The following UGT1A5 variants were observed in gnomAD, a reference collection of about 807,000 sequenced individuals.
UGT1A5 encodes the protein UDP glucuronosyltransferase family 1 member A5.
UGT1A5 carries 29 observed loss-of-function variants against 40.3 expected under a neutral mutation model. The observed-to-expected ratio is 0.72, with a 90% CI of 0.54 to 0.98. UGT1A5 has a LOEUF of 0.98. Among genes scored for constraint, UGT1A5 ranks in the 50% least tolerant of loss-of-function variants. UGT1A5 has a pLI of 0.00. For missense variants in UGT1A5, 678 were observed against 677.9 expected (o/e 1.00, Z 0.00); for synonymous variants, 257 against 262.5 (o/e 0.98, Z 0.20).
intron 1 of UGT1A5, chr2:233,754,615 C>T (rs1360410521): frequency 2.3e-6 from 1 of 438,040 alleles, no homozygotes; most frequent in Non-Finnish European, 4.6e-6. Context: ...TCTCCATCTT[C>T]CTCCACTTCC....
At chr2:233,719,166 A>G (rs569258363) in intron 1 of UGT1A5, 1 of 1,614,266 alleles carries the variant, frequency 6.2e-7, no homozygotes, top group East Asian at 2.2e-5. Flanking sequence ...AAGTATGGCA[A>G]TTATGAACAA....
chr2:233,760,809 A>G (rs1407366507), intron 1 of UGT1A5: 1 of 1,613,186 alleles, frequency 6.2e-7, no homozygotes, highest in South Asian at 1.1e-5. Flanking sequence ...TCTTGCATGC[A>G]CTGCCATGCA....
chr2:233,719,576 A>G, intron 1 of UGT1A5: 1 of 1,613,934 alleles, frequency 6.2e-7, no homozygotes, highest in East Asian at 2.2e-5. Context: ...TCAGCTATGC[A>G]TCCGTGTGGC....
Position 233,769,467 on chromosome 2 carries a change from G to T in UGT1A5, c.1307+1028G>T. The T allele has an allele frequency of 6.2e-7, 1 of 1,602,902 alleles. No homozygotes were observed. On this transcript the variant is annotated intron_variant, in intron 4 of 4. Coordinates refer to ENST00000373414, the MANE Select transcript of UGT1A5 (RefSeq NM_019078.2). This position sits in a 1 kb window ranked among gnomAD's most constrained non-coding sequence, Gnocchi z 4.4. Reference sequence around the variant, plus strand: ...TGCACACGTGTGCATTCATATGCGTGTGTGTGTGTGTGCGTGTGTTTATGA... The same window carrying T: ...TGCACACGTGTGCATTCATATGCGTTTGTGTGTGTGTGCGTGTGTTTATGA...
intron 1 of UGT1A5, among the ~76,000 whole-genome samples, chr2:233,745,355 T>A (rs1693086432): frequency 6.6e-6 from 1 of 151,846 alleles, no homozygotes; most frequent in African/African-American, 2.4e-5. Context: ...TTGGGGGAAT[T>A]TTTTTGAGAT....
chr2:233,728,660 C>T (rs557708388), intron 1 of UGT1A5, among the ~76,000 whole-genome samples: 3 of 152,280 alleles, frequency 2.0e-5, no homozygotes, highest in South Asian at 2.1e-4. Context: ...GGATGCGCTG[C>T]GTTACTCATA....
intron 1 of UGT1A5, among the ~76,000 whole-genome samples, chr2:233,726,609 C>G (rs927536139): frequency 3.4e-4 from 51 of 152,176 alleles, no homozygotes; most frequent in African/African-American, 1.2e-3. Flanking sequence ...ATTACACTGT[C>G]CTGCCCAGAT....
At chr2:233,767,302 A>G (rs951994488) in intron 2 of UGT1A5, 137 bp downstream of exon 2, 1 of 1,534,820 alleles carries the variant, frequency 6.5e-7, no homozygotes, top group African/African-American at 1.4e-5. Context: ...TATTAATCCA[A>G]AGGTTTTTTT....
intron 1 of UGT1A5, chr2:233,747,332 A>C (rs1559392073): frequency 9.4e-6 from 15 of 1,603,410 alleles, no homozygotes; most frequent in Non-Finnish European, 1.3e-5. Context: ...GATGGCAGCC[A>C]CTGGCTCGCA....
intron 1 of UGT1A5, among the ~76,000 whole-genome samples, chr2:233,765,988 G>A (rs909645564): frequency 6.6e-6 from 1 of 152,138 alleles, no homozygotes; most frequent in Non-Finnish European, 1.5e-5. Flanking sequence ...AGCTCCTGAA[G>A]CTCCAGTGGG....
intron 1 of UGT1A5, among the ~76,000 whole-genome samples, chr2:233,728,669 T>C (rs1349775872): frequency 3.9e-5 from 6 of 152,276 alleles, no homozygotes; most frequent in Admixed American, 3.9e-4. Context: ...GCGTTACTCA[T>C]ACATGAGAAG....
rs2076922721 is a variant in UGT1A5, at chr2:233,721,129, T to G, written c.867+7271T>G. 2.0e-5 allele frequency among the ~76,000 whole-genome samples: 3 copies of G among 152,198 alleles called. 1 individual carries two copies. Among genetic ancestry groups the G allele is most frequent in the Admixed American group, 2.0e-4 (3 of 15,284 alleles). On this transcript the variant is annotated intron_variant, in intron 1 of 4. Transcript: ENST00000373414. ...TTATTTCTGTACTTCTTTTTATTAGTGTAGGTATTATTGCAAAGGACACTA... is the reference window on the plus strand; with the variant it reads ...TTATTTCTGTACTTCTTTTTATTAGGGTAGGTATTATTGCAAAGGACACTA...
At chr2:233,731,616 A>C (rs1404847931) in intron 1 of UGT1A5, among the ~76,000 whole-genome samples, 2 of 152,182 alleles carry the variant, frequency 1.3e-5, no homozygotes, top group Non-Finnish European at 2.9e-5. Flanking sequence ...ACATGAACTC[A>C]TCCTTTTTTA....
chr2:233,767,955 A>G lies in UGT1A5; in HGVS notation c.1087+19A>G. ...CTGCTTGGTATGTTGGGCGGATTGG[A>G]TGTATAGGTCAAACCAGGGTCAAAT... On this transcript the variant is annotated intron_variant, in intron 3 of 4. Coordinates refer to ENST00000373414, the MANE Select transcript of UGT1A5 (RefSeq NM_019078.2). 1 of 1,614,124 alleles carries G rather than the reference A, an allele frequency of 6.2e-7. No homozygotes were observed. The highest frequency in any genetic ancestry group is 8.5e-7 in the Non-Finnish European group (1 of 1,180,040).
At chr2:233,748,569 T>C (rs556466640) in intron 1 of UGT1A5, among the ~76,000 whole-genome samples, 1 of 151,818 alleles carries the variant, frequency 6.6e-6, no homozygotes, top group African/African-American at 2.4e-5. Context: ...GAAGTAGAAG[T>C]GTTAAAGAGG....
At chr2:233,724,917 C>T (rs1223036071) in intron 1 of UGT1A5, among the ~76,000 whole-genome samples, 1 of 141,476 alleles carries the variant, frequency 7.1e-6, no homozygotes, top group Non-Finnish European at 1.5e-5. Flanking sequence ...CCATTGAGCA[C>T]TGAGTGAACG....
At chr2:233,763,341 T>G (rs1156611161) in intron 1 of UGT1A5, among the ~76,000 whole-genome samples, 1 of 152,260 alleles carries the variant, frequency 6.6e-6, no homozygotes, top group Admixed American at 6.5e-5. Context: ...TACATTTCCC[T>G]AGCACATCTT....
chr2:233,721,870 C>G (rs905859628), intron 1 of UGT1A5: 1 of 500,564 alleles, frequency 2.0e-6, no homozygotes, highest in Non-Finnish European at 4.0e-6. Context: ...CCTGGGCACA[C>G]TTGCCAGCCC....
At chr2:233,748,159 A>G (rs963522217) in intron 1 of UGT1A5, 2 of 1,598,928 alleles carry the variant, frequency 1.3e-6, no homozygotes, top group African/African-American at 1.4e-5. Context: ...AATTGCTTCC[A>G]TATCTACTTA....
Sources: allele counts gnomAD v4.1 joint callset (sites outside exome capture counted in the v4.1 genomes callset), GRCh38; gene constraint gnomAD v4.1.1; non-coding constraint Gnocchi (gnomAD v3.1); transcripts MANE v1.5; gene names NCBI Gene and HGNC (gene_info 2026-07-23, HGNC 2026-07-21).